The following TANC2 variants were observed in gnomAD, a reference collection of about 807,000 sequenced individuals.
The protein encoded by TANC2 is tetratricopeptide repeat, ankyrin repeat and coiled-coil containing 2.
TANC2 carries 26 observed loss-of-function variants against 210.5 expected under a neutral mutation model. The observed-to-expected ratio is 0.12, with a 90% CI of 0.09 to 0.17. TANC2 has a LOEUF of 0.17. Among genes scored for constraint, TANC2 ranks in the 10% least tolerant of loss-of-function variants. TANC2 has a pLI of 1.00. For missense variants in TANC2, 2,129 were observed against 2,608.9 expected (o/e 0.82, Z 4.01); for synonymous variants, 931 against 967.1 (o/e 0.96, Z 0.69).
At chr17:63,376,814 CTTT>C (rs771564600) in intron 14 of TANC2, among the ~76,000 whole-genome samples, 4 of 125,954 alleles carry the variant, frequency 3.2e-5, no homozygotes, top group Admixed American at 8.0e-5. Flanking sequence ...CCACTGTACT[CTTT>C]TTTTTTTTTT....
intron 19 of TANC2, chr17:63,399,344 G>C (rs1244247508): frequency 6.5e-6 from 1 of 152,792 alleles, no homozygotes. Context: ...CACACCTCTG[G>C]CTTAACCAAA....
intron 4 of TANC2, among the ~76,000 whole-genome samples, chr17:63,143,374 T>A (rs2039353837): frequency 6.6e-6 from 1 of 152,168 alleles, no homozygotes; most frequent in Non-Finnish European, 1.5e-5. Context: ...ACATTTTTTA[T>A]GAAATGTTTA....
At chr17:63,354,190 C>T (rs2046711593) in intron 13 of TANC2, among the ~76,000 whole-genome samples, 1 of 152,130 alleles carries the variant, frequency 6.6e-6, no homozygotes, top group Non-Finnish European at 1.5e-5. Flanking sequence ...CACCTTCCCC[C>T]AGTAGAATTT....
At chr17:63,001,535 T>C (rs911468947) in intron 1 of TANC2, among the ~76,000 whole-genome samples, 20 of 151,466 alleles carry the variant, frequency 1.3e-4, no homozygotes, top group South Asian at 8.3e-4. Context: ...CTTTTCTTTT[T>C]TTTTTTTCTT....
chr17:63,013,210 C>T (rs1313080302), intron 2 of TANC2, among the ~76,000 whole-genome samples: 3 of 151,908 alleles, frequency 2.0e-5, no homozygotes, highest in Non-Finnish European at 2.9e-5. Context: ...GGAGCTGGGC[C>T]TACAAGTGGA....
intron 5 of TANC2, among the ~76,000 whole-genome samples, chr17:63,190,655 A>G (rs1189402001): frequency 1.3e-5 from 2 of 152,156 alleles, no homozygotes; most frequent in Non-Finnish European, 2.9e-5. Context: ...AAATTGGTAG[A>G]TTGATTTGGG....
At chr17:63,307,797 G>T (rs537297683) in intron 9 of TANC2, among the ~76,000 whole-genome samples, 12 of 151,914 alleles carry the variant, frequency 7.9e-5, no homozygotes, top group Non-Finnish European at 1.8e-4. Context: ...ACAGAGTCTC[G>T]CTCTGTTGCC....
chr17:63,405,608 A>C (rs1016715128), intron 20 of TANC2, among the ~76,000 whole-genome samples: 1 of 152,224 alleles, frequency 6.6e-6, no homozygotes, highest in Non-Finnish European at 1.5e-5. Context: ...AAAAGAAAAT[A>C]CAGTGAATGC....
rs57550590 is a variant in TANC2, at chr17:63,046,325, C to CTTTTTTTTTT, written c.68-27603_68-27594dup. Among the ~76,000 whole-genome samples, 8 of 44,142 alleles carry CTTTTTTTTTT rather than the reference C, an allele frequency of 1.8e-4. 2 individuals carry two copies. The highest frequency in any genetic ancestry group is 8.2e-4 in the African/African-American group (7 of 8,536). 29.0% of individuals were successfully genotyped at this position (44,142 alleles called of 152,430 possible). ...CAGGTGCGTGCCACCACACCCAGCT[C>CTTTTTTTTTT]TTTTTTTTTTTTTTTTTTTTTTTTG... On this transcript the variant is annotated intron_variant, in intron 2 of 27. Transcript: ENST00000689528.
intron 4 of TANC2, among the ~76,000 whole-genome samples, chr17:63,116,139 A>T (rs1372751009): frequency 6.6e-6 from 1 of 152,222 alleles, no homozygotes; most frequent in East Asian, 1.9e-4. Flanking sequence ...ATAAATGGTG[A>T]TGGAAAAGTA....
At chr17:63,241,333 A>T (rs940770528) in intron 8 of TANC2, among the ~76,000 whole-genome samples, 1 of 152,160 alleles carries the variant, frequency 6.6e-6, no homozygotes, top group Non-Finnish European at 1.5e-5. Flanking sequence ...ACAACTGGCA[A>T]TATATATTTT....
Position 63,151,254 on chromosome 17 carries a change from CTCTT to C in TANC2, c.323-14_323-11del, listed in dbSNP as rs1161830441. ...TCTCTGTCTCTTGCTTGCTCTCTCTCTCTTTTTGTTCTTAGCCCCTCTGAGGAAG... is the reference window on the plus strand; with the variant it reads ...TCTCTGTCTCTTGCTTGCTCTCTCTCTTTGTTCTTAGCCCCTCTGAGGAAG... On this transcript the variant is annotated splice_polypyrimidine_tract_variant and intron_variant, in intron 4 of 27. Coordinates refer to ENST00000689528, the Ensembl canonical transcript of TANC2. 16 of 976,128 alleles carry C rather than the reference CTCTT, an allele frequency of 1.6e-5. No homozygotes were observed. The highest frequency in any genetic ancestry group is 1.8e-5 in the Non-Finnish European group (15 of 821,378). 60.5% of individuals were successfully genotyped at this position (976,128 alleles called of 1,614,324 possible).
chr17:63,063,791 TGATACTTACGTTGGAATTTTGGAA>T, intron 2 of TANC2, among the ~76,000 whole-genome samples: 1 of 152,244 alleles, frequency 6.6e-6, no homozygotes, highest in South Asian at 2.1e-4. Flanking sequence ...ATTGTTCTGA[TGATACTTACGTTGGAATTTTGGAA>T]GATCCAAAAA....
intron 2 of TANC2, among the ~76,000 whole-genome samples, chr17:63,037,455 G>T (rs1348690839): frequency 1.3e-5 from 2 of 152,084 alleles, no homozygotes; most frequent in Non-Finnish European, 2.9e-5. Flanking sequence ...CACAGATAAG[G>T]GGGTGGGTGG....
At chr17:63,223,225 A>G (rs1045747242) in intron 7 of TANC2, among the ~76,000 whole-genome samples, 9 of 152,176 alleles carry the variant, frequency 5.9e-5, no homozygotes, top group South Asian at 2.1e-4. Context: ...ATGCCATTGA[A>G]TTTGTTCACT....
intron 4 of TANC2, among the ~76,000 whole-genome samples, chr17:63,112,694 G>T (rs765762568): frequency 1.3e-5 from 2 of 152,228 alleles, no homozygotes; most frequent in Non-Finnish European, 2.9e-5. Flanking sequence ...ATACAGAAAT[G>T]TGTGTAGAGT....
chr17:63,276,404 T>C (rs2043874560), intron 9 of TANC2, among the ~76,000 whole-genome samples: 1 of 152,052 alleles, frequency 6.6e-6, no homozygotes, highest in African/African-American at 2.4e-5. Context: ...AAACCTTTAC[T>C]GTTTTATGTT....
chr17:63,250,511 T>C (rs911399420), intron 8 of TANC2, among the ~76,000 whole-genome samples: 1 of 152,124 alleles, frequency 6.6e-6, no homozygotes, highest in African/African-American at 2.4e-5. Flanking sequence ...AGAGCCGTCA[T>C]TGGTGTTTGT....
intron 7 of TANC2, among the ~76,000 whole-genome samples, chr17:63,232,733 G>A (rs1402886651): frequency 6.6e-6 from 1 of 152,256 alleles, no homozygotes; most frequent in Non-Finnish European, 1.5e-5. Flanking sequence ...CAGTCAGGAG[G>A]CAGGGGATCA....
Sources: gnomAD v4.1 joint callset for allele counts (sites outside exome capture counted in the v4.1 genomes callset) on GRCh38, gnomAD v4.1.1 for gene constraint, MANE v1.5 for transcripts, NCBI Gene and HGNC (gene_info 2026-07-23, HGNC 2026-07-21) for gene names.